Variants in PPTC7 observed in about 807,000 individuals in gnomAD.
The protein encoded by PPTC7 is protein phosphatase targeting COQ7.
PPTC7 carries 6 observed loss-of-function variants against 30.8 expected under a neutral mutation model. The ratio of observed to expected loss-of-function variants is 0.19; its 90% confidence interval spans 0.11 to 0.38. The LOEUF (loss-of-function observed/expected upper bound fraction) is 0.38. Among genes scored for constraint, PPTC7 ranks in the 10% least tolerant of loss-of-function variants. PPTC7 has a pLI of 1.00. For synonymous variants in PPTC7, 163 were observed against 168.1 expected (o/e 0.97, Z 0.23); for missense variants, 218 against 404.8 (o/e 0.54, Z 3.96).
chr12:110,548,567 C>A (rs1462052535), intron 2 of PPTC7, among the ~76,000 whole-genome samples: 1 of 152,162 alleles, frequency 6.6e-6, no homozygotes, highest in Non-Finnish European at 1.5e-5. Flanking sequence ...CACATCAACT[C>A]TAACCTTTTA....
intron 2 of PPTC7, among the ~76,000 whole-genome samples, chr12:110,549,571 T>C (rs986804619): frequency 1.3e-5 from 2 of 152,204 alleles, no homozygotes; most frequent in African/African-American, 4.8e-5. Flanking sequence ...TATTTCAATG[T>C]GCCTTTTAGG....
intron 3 of PPTC7, among the ~76,000 whole-genome samples, chr12:110,544,545 C>T (rs547132917): frequency 6.6e-6 from 1 of 152,290 alleles, no homozygotes; most frequent in African/African-American, 2.4e-5. Context: ...TCAAAAAAAG[C>T]ACCATTTTGG....
At chr12:110,541,239 A>T (rs1372108722) in intron 3 of PPTC7, among the ~76,000 whole-genome samples, 1 of 151,352 alleles carries the variant, frequency 6.6e-6, no homozygotes, top group Admixed American at 6.6e-5. Flanking sequence ...AAAATTAGCC[A>T]GGCGTGGTGG....
At chr12:110,580,720 CG>C (rs2064629607) in intron 1 of PPTC7, among the ~76,000 whole-genome samples, 1 of 151,806 alleles carries the variant, frequency 6.6e-6, no homozygotes. Context: ...AATCAAGTCA[CG>C]GATCTTTCAC....
intron 1 of PPTC7, among the ~76,000 whole-genome samples, chr12:110,574,200 G>C (rs1043585440): frequency 8.1e-5 from 8 of 99,008 alleles, no homozygotes; most frequent in African/African-American, 3.1e-4. Context: ...ATGCAAGCAA[G>C]AGACCTAGGT....
At chr12:110,575,122 C>G (rs2064577946) in intron 1 of PPTC7, among the ~76,000 whole-genome samples, 1 of 151,556 alleles carries the variant, frequency 6.6e-6, no homozygotes, top group Non-Finnish European at 1.5e-5. Context: ...ATGACGACTC[C>G]CAAACAAGAC....
intron 1 of PPTC7, among the ~76,000 whole-genome samples, chr12:110,562,701 G>C (rs572462188): frequency 1.1e-4 from 16 of 152,012 alleles, no homozygotes; most frequent in African/African-American, 3.6e-4. Context: ...ACTGAGGCAG[G>C]AGAATCGCTT....
At position 110,536,850 on chromosome 12, in the gene PPTC7, T is replaced by C. The variant is rs565421870; in HGVS notation, c.*187A>G. The C allele has an allele frequency of 2.2e-4, 119 of 542,580 alleles. 1 individual carries two copies. Among genetic ancestry groups the C allele is most frequent in the African/African-American group, 2.1e-3 (112 of 52,230 alleles). 33.6% of individuals were successfully genotyped at this position (542,580 alleles called of 1,614,324 possible). A position where few individuals can be genotyped will look rare whatever the true frequency, so the allele number is the denominator to read the frequency against. On this transcript the variant is annotated 3_prime_UTR_variant, in exon 6 of 6. Coordinates refer to ENST00000354300, the MANE Select transcript of PPTC7 (RefSeq NM_139283.2). ...TCTCTTCAATTGCTGCCGGCAGATATGAGCTAGTGAATGATAGTAGTGGTT... is the reference window on the plus strand; with the variant it reads ...TCTCTTCAATTGCTGCCGGCAGATACGAGCTAGTGAATGATAGTAGTGGTT...
rs200822401 is a variant in PPTC7, at chr12:110,575,381, C to T, written c.223+7428G>A. Among the ~76,000 whole-genome samples, 6 of 151,992 alleles carry T rather than the reference C, an allele frequency of 3.9e-5. No individual in the cohort carries two copies. In the East Asian group the frequency reaches 1.2e-3, roughly 29 times the overall value. On this transcript the variant is annotated intron_variant, in intron 1 of 5. Transcript: ENST00000354300. ...GACCTCTCTCTAAAAGGCATGGGAA[C>T]ATAAAATGAATTTGACATTTAGCTT...
intron 1 of PPTC7, among the ~76,000 whole-genome samples, chr12:110,580,783 G>A (rs538426016): frequency 1.3e-5 from 2 of 151,634 alleles, no homozygotes; most frequent in South Asian, 2.1e-4. Context: ...ACGGAGTCTC[G>A]CACTGTCGCC....
intron 1 of PPTC7, among the ~76,000 whole-genome samples, chr12:110,556,833 C>T (rs1206531312): frequency 6.6e-6 from 1 of 152,180 alleles, no homozygotes; most frequent in East Asian, 1.9e-4. Context: ...CCCATAAACA[C>T]TGCTGCAGGA....
At chr12:110,545,138 GC>G (rs1324276889) in intron 3 of PPTC7, among the ~76,000 whole-genome samples, 2 of 151,972 alleles carry the variant, frequency 1.3e-5, no homozygotes, top group East Asian at 1.9e-4. Context: ...TGTCACCCAG[GC>G]TAGAGTGCAG....
intron 1 of PPTC7, among the ~76,000 whole-genome samples, chr12:110,571,449 G>A (rs181599145): frequency 6.6e-6 from 1 of 151,848 alleles, no homozygotes; most frequent in Non-Finnish European, 1.5e-5. Context: ...GAAGAAGATA[G>A]CATTTCAGTT....
chr12:110,564,991 C>T (rs1383219434), intron 1 of PPTC7, among the ~76,000 whole-genome samples: 8 of 151,182 alleles, frequency 5.3e-5, no homozygotes, highest in Non-Finnish European at 1.2e-4. Flanking sequence ...TCTCCTGCCT[C>T]GGCCTCCTGA....
At chr12:110,569,763 C>A (rs538407179) in intron 1 of PPTC7, among the ~76,000 whole-genome samples, 1 of 152,242 alleles carries the variant, frequency 6.6e-6, no homozygotes, top group Non-Finnish European at 1.5e-5. Context: ...TCATTTCTGG[C>A]TTCCCAATTT....
intron 1 of PPTC7, among the ~76,000 whole-genome samples, chr12:110,560,380 C>T (rs1305480830): frequency 2.0e-5 from 3 of 150,268 alleles, no homozygotes; most frequent in Admixed American, 6.6e-5. Flanking sequence ...TCAGCCTGAG[C>T]GACAGAGCGA....
intron 1 of PPTC7, among the ~76,000 whole-genome samples, chr12:110,580,758 TA>T (rs2064630088): frequency 6.6e-6 from 1 of 152,036 alleles, no homozygotes; most frequent in African/African-American, 2.4e-5. Context: ...TTTTTTATTT[TA>T]TTTTTTTTTT....
intron 3 of PPTC7, among the ~76,000 whole-genome samples, chr12:110,545,195 C>T (rs1007684405): frequency 6.6e-6 from 1 of 152,100 alleles, no homozygotes; most frequent in African/African-American, 2.4e-5. Flanking sequence ...TGGGTTCAAG[C>T]GATTCTCCTG....
intron 1 of PPTC7, among the ~76,000 whole-genome samples, chr12:110,555,044 T>G (rs2064375406): frequency 6.6e-6 from 1 of 152,218 alleles, no homozygotes; most frequent in African/African-American, 2.4e-5. Flanking sequence ...TTTTGTACAT[T>G]CAACTTTAAG....
Sources: gnomAD v4.1 joint callset for allele counts (sites outside exome capture counted in the v4.1 genomes callset) on GRCh38, gnomAD v4.1.1 for gene constraint, MANE v1.5 for transcripts, NCBI Gene and HGNC (gene_info 2026-07-23, HGNC 2026-07-21) for gene names.